Variants in CSMD3 observed in about 807,000 individuals in gnomAD.
The protein encoded by CSMD3 is CUB and Sushi multiple domains 3.
Under a neutral mutation model 435.2 loss-of-function variants are expected in CSMD3, and 177 were observed. The ratio of observed to expected loss-of-function variants is 0.41; its 90% CI spans 0.36 to 0.46. The LOEUF (loss-of-function observed/expected upper bound fraction) is 0.46, where lower values mean the gene tolerates loss of function less well. Ranked by LOEUF, CSMD3 falls within the 20% of genes least tolerant of loss-of-function variation. The pLI is 0.34. For missense variants in CSMD3, 4,265 were observed against 4,504.6 expected (o/e 0.95, Z 1.52); for synonymous variants, 1,656 against 1,520.5 (o/e 1.09, Z -2.07).
chr8:112,517,093 A>T lies in CSMD3; in HGVS notation c.4697T>A (p.Ile1566Lys). ...PGYELQGEER[I>K]TCIQVENRYF... ...CCGATTTTCTACCTGAATGCAGGTT[A>T]TTCTTTCCTCTCCTTGAAGTTCATA... Residue 1566 changes from isoleucine to lysine, a missense_variant, in exon 28 of 71, where the codon ATA becomes AAA. Around this residue, in one of 3 missense-constraint regions of CSMD3, gnomAD observed 3,255 missense variants for 3,380.2 expected, o/e 0.96. Coordinates refer to ENST00000297405, the MANE Select transcript of CSMD3 (RefSeq NM_198123.2). 1 of 1,613,894 alleles carries T rather than the reference A, an allele frequency of 6.2e-7. No homozygotes were observed. The highest frequency in any genetic ancestry group is 8.5e-7 in the Non-Finnish European group (1 of 1,179,874).
At chr8:113,085,215 A>G (rs1433689268) in intron 5 of CSMD3, among the ~76,000 whole-genome samples, 1 of 150,932 alleles carries the variant, frequency 6.6e-6, no homozygotes, top group Non-Finnish European at 1.5e-5. Flanking sequence ...TATTCAGAAT[A>G]TACAAAAAAT....
rs1816659867 is a variant in CSMD3, at chr8:112,263,706, T to G, written c.9795A>C (p.Leu3265=). 1 of 1,613,820 alleles carries G rather than the reference T, an allele frequency of 6.2e-7. No homozygotes were observed. The highest frequency in any genetic ancestry group is 8.5e-7 in the Non-Finnish European group (1 of 1,179,800). Residue 3265 remains leucine, a synonymous_variant, in exon 61 of 71, where the codon CTA becomes CTC. Transcript: ENST00000297405. ...CACAGGTCAAAACAGCAGGGAAGGA[T>G]AGCTCATAGCCTGGAGAACAGATGT... ...ISYICSPGYE[L]SFPAVLTCVG...
intron 70 of CSMD3, among the ~76,000 whole-genome samples, chr8:112,227,399 G>A (rs994114091): frequency 6.6e-6 from 1 of 152,200 alleles, no homozygotes; most frequent in African/African-American, 2.4e-5. Flanking sequence ...GCTGGATGAG[G>A]GGAGTGAGGA....
chr8:112,615,328 T>G (rs117850668), intron 22 of CSMD3, among the ~76,000 whole-genome samples: 1,687 of 152,222 alleles, frequency 0.011, 15 homozygotes, highest in Non-Finnish European at 0.017. Flanking sequence ...TGAACAAATA[T>G]GGGCTCTTGT....
intron 8 of CSMD3, among the ~76,000 whole-genome samples, chr8:112,949,550 A>G (rs75376084): frequency 0.047 from 7,155 of 152,056 alleles, 227 homozygotes; most frequent in Non-Finnish European, 0.069. Context: ...ATTCTTTTGA[A>G]GTTCCTTTCT....
intron 5 of CSMD3, among the ~76,000 whole-genome samples, chr8:113,048,168 C>CTG (rs2087923853): frequency 1.3e-5 from 2 of 149,430 alleles, no homozygotes; most frequent in African/African-American, 2.5e-5. Flanking sequence ...TCTCGGCTCA[C>CTG]TGCAAGCTCC....
intron 11 of CSMD3, among the ~76,000 whole-genome samples, chr8:112,850,130 T>C (rs576934146): frequency 1.3e-5 from 2 of 152,296 alleles, no homozygotes; most frequent in South Asian, 4.1e-4. Flanking sequence ...TAACTATTGT[T>C]ATTTACTATT....
rs1342700575 is a variant in CSMD3, at chr8:113,306,067, G to T, written c.401+8504C>A. Among the ~76,000 whole-genome samples the T allele has an allele frequency of 2.6e-5, 4 of 152,186 alleles. No homozygotes were observed. The East Asian group carries it at 7.7e-4, about 29-fold the overall frequency. ...ACCAACAGTAAGCAAAGTTCACTTT[G>T]TCACTTGGTGTGTCTCATTAATATT... On this transcript the variant is annotated intron_variant, in intron 2 of 70. Transcript: ENST00000297405.
chr8:112,301,429 C>G (rs1563759759), intron 53 of CSMD3, among the ~76,000 whole-genome samples: 1 of 152,016 alleles, frequency 6.6e-6, no homozygotes, highest in Non-Finnish European at 1.5e-5. Flanking sequence ...CTTCTTCAGT[C>G]ATTACCTTAA....
intron 9 of CSMD3, among the ~76,000 whole-genome samples, chr8:112,942,261 G>C (rs1049313192): frequency 6.7e-6 from 1 of 150,174 alleles, no homozygotes; most frequent in Non-Finnish European, 1.5e-5. Flanking sequence ...AACTGTCAAC[G>C]GCTGGCATGA....
chr8:112,237,559 G>C (rs572009723), intron 66 of CSMD3, among the ~76,000 whole-genome samples: 1 of 151,826 alleles, frequency 6.6e-6, no homozygotes, highest in African/African-American at 2.4e-5. Flanking sequence ...ATATGTTATC[G>C]AGAAGAGAGA....
At chr8:112,494,890 C>T (rs1235394388) in intron 30 of CSMD3, among the ~76,000 whole-genome samples, 3 of 151,954 alleles carry the variant, frequency 2.0e-5, no homozygotes, top group African/African-American at 7.2e-5. Flanking sequence ...GGGTTTCAAA[C>T]CAGAGCTAAA....
At chr8:113,209,936 CTT>C (rs1208791386) in intron 3 of CSMD3, among the ~76,000 whole-genome samples, 2 of 151,384 alleles carry the variant, frequency 1.3e-5, no homozygotes, top group Admixed American at 6.6e-5. Context: ...TATTTTCTCT[CTT>C]TTCTTTACCC....
intron 29 of CSMD3, among the ~76,000 whole-genome samples, chr8:112,505,103 C>T (rs1822364721): frequency 6.6e-6 from 1 of 152,116 alleles, no homozygotes; most frequent in African/African-American, 2.4e-5. Flanking sequence ...AGTCCAGCTG[C>T]TCAGTTTACT....
chr8:112,251,936 A>G (rs796572417), intron 63 of CSMD3, among the ~76,000 whole-genome samples: 32 of 152,016 alleles, frequency 2.1e-4, no homozygotes, highest in Middle Eastern at 3.4e-3. Context: ...TAATACAAAG[A>G]CAAATTATGT....
intron 5 of CSMD3, among the ~76,000 whole-genome samples, chr8:113,031,009 A>C (rs1436836618): frequency 6.6e-6 from 1 of 151,640 alleles, no homozygotes; most frequent in Non-Finnish European, 1.5e-5. Context: ...AAATGTGAGG[A>C]TGCAGAGAAA....
intron 3 of CSMD3, among the ~76,000 whole-genome samples, chr8:113,253,256 T>A (rs139276680): frequency 1.6e-3 from 240 of 151,914 alleles, no homozygotes; most frequent in African/African-American, 5.7e-3. Flanking sequence ...ATCTTTAAGT[T>A]CTAGGATACA....
intron 45 of CSMD3, among the ~76,000 whole-genome samples, chr8:112,326,841 G>A (rs937928193): frequency 6.6e-6 from 1 of 152,048 alleles, no homozygotes; most frequent in African/African-American, 2.4e-5. Context: ...GCAGAGACAG[G>A]TGAAACCCTG....
intron 22 of CSMD3, 74 bp downstream of exon 22, chr8:112,636,743 A>T (rs1251545633): frequency 4.9e-6 from 6 of 1,227,686 alleles, no homozygotes; most frequent in Non-Finnish European, 7.2e-6. Context: ...ATTATAAAGA[A>T]CGAAGGGTGT....
Sources: gnomAD v4.1 joint callset for allele counts (sites outside exome capture counted in the v4.1 genomes callset) on GRCh38, gnomAD v4.1.1 for gene constraint, gnomAD v4.1.1 regional missense constraint, MANE v1.5 for transcripts, NCBI Gene and HGNC (gene_info 2026-07-23, HGNC 2026-07-21) for gene names.